Variants in AGBL1 observed in about 807,000 individuals in gnomAD.
AGBL1 encodes the protein cytosolic carboxypeptidase 4.
AGBL1 carries 130 observed loss-of-function variants against 118.9 expected under a neutral mutation model. The observed-to-expected ratio is 1.09, with a 90% CI of 0.95 to 1.26. AGBL1 has a LOEUF of 1.26. Ranked by LOEUF, AGBL1 falls within the 50% of genes most tolerant of loss-of-function variation. The pLI is 0.00. For missense variants in AGBL1, 1,584 were observed against 1,298.1 expected (o/e 1.22, Z -3.38); for synonymous variants, 555 against 478.9 (o/e 1.16, Z -2.08).
At chr15:87,027,934 T>C (rs2141815157) in intron 24 of AGBL1, among the ~76,000 whole-genome samples, 1 of 152,012 alleles carries the variant, frequency 6.6e-6, no homozygotes, top group Admixed American at 6.6e-5. Context: ...TAATGGCTGC[T>C]GAGCTTAATC....
At chr15:86,842,314 A>C (rs1244890454) in intron 22 of AGBL1, among the ~76,000 whole-genome samples, 1 of 152,176 alleles carries the variant, frequency 6.6e-6, no homozygotes, top group East Asian at 1.9e-4. Context: ...GAATCACTGA[A>C]AACCTTTATA....
intron 5 of AGBL1, among the ~76,000 whole-genome samples, chr15:86,174,267 T>C (rs1339896507): frequency 1.3e-5 from 2 of 152,098 alleles, no homozygotes; most frequent in Non-Finnish European, 2.9e-5. Context: ...TTATTAGTGA[T>C]AGAAATACTA....
intron 22 of AGBL1, among the ~76,000 whole-genome samples, chr15:86,793,663 A>G (rs550472413): frequency 6.6e-6 from 1 of 152,338 alleles, no homozygotes; most frequent in East Asian, 1.9e-4. Context: ...GGAAACTATC[A>G]AGAAAGTAAA....
intron 18 of AGBL1, among the ~76,000 whole-genome samples, chr15:86,408,298 C>A (rs996721850): frequency 6.6e-6 from 1 of 152,182 alleles, no homozygotes; most frequent in Non-Finnish European, 1.5e-5. Context: ...TCCCCTGACT[C>A]CCTTGTGAAT....
chr15:86,693,271 A>G (rs533020321), intron 22 of AGBL1, among the ~76,000 whole-genome samples: 1 of 150,274 alleles, frequency 6.7e-6, no homozygotes, highest in Non-Finnish European at 1.5e-5. Context: ...ACCGACATCT[A>G]TTTTTTTTTA....
At chr15:86,964,567 C>T (rs972623415) in intron 23 of AGBL1, among the ~76,000 whole-genome samples, 12 of 151,928 alleles carry the variant, frequency 7.9e-5, no homozygotes, top group African/African-American at 2.9e-4. Flanking sequence ...ACCACTGACA[C>T]AACCTTATTA....
chr15:86,169,190 CATAG>C (rs1405388701), intron 5 of AGBL1, among the ~76,000 whole-genome samples: 1 of 152,178 alleles, frequency 6.6e-6, no homozygotes, highest in Non-Finnish European at 1.5e-5. Context: ...AACCAAGGTG[CATAG>C]CATTTGTAGG....
intron 18 of AGBL1, among the ~76,000 whole-genome samples, chr15:86,405,296 G>A (rs902306914): frequency 6.6e-6 from 1 of 151,930 alleles, no homozygotes; most frequent in Non-Finnish European, 1.5e-5. Flanking sequence ...CAGATCACGA[G>A]GTCAGGAGAT....
At chr15:86,542,356 ATTTTTTTTTT>A (rs71144054) in intron 19 of AGBL1, among the ~76,000 whole-genome samples, 30 of 116,338 alleles carry the variant, frequency 2.6e-4, no homozygotes, top group Non-Finnish European at 2.6e-4. Flanking sequence ...CACCATTGAG[ATTTTTTTTTT>A]TTTTTTTTTT....
At chr15:86,419,476 A>T (rs1288458820) in intron 18 of AGBL1, among the ~76,000 whole-genome samples, 1 of 152,050 alleles carries the variant, frequency 6.6e-6, no homozygotes, top group East Asian at 1.9e-4. Context: ...GACCAGGAGA[A>T]TCCCTTGGGT....
chr15:86,587,207 T>A (rs903910564), intron 21 of AGBL1, among the ~76,000 whole-genome samples: 4 of 152,178 alleles, frequency 2.6e-5, no homozygotes, highest in African/African-American at 9.7e-5. Context: ...ATGAGGAAAC[T>A]GAGGCACGGA....
Position 86,317,824 on chromosome 15 carries a change from T to A in AGBL1, c.2374+22416T>A, listed in dbSNP as rs190286737. Among the ~76,000 whole-genome samples the A allele has an allele frequency of 1.1e-3, 165 of 152,306 alleles. 1 individual carries two copies. In the Middle Eastern group the frequency reaches 0.017, roughly 16 times the overall value. On this transcript the variant is annotated intron_variant, in intron 17 of 22. Coordinates refer to ENST00000614907, the MANE Select transcript of AGBL1 (RefSeq NM_001386094.1). ...TAGTTGTGTTCCAATAAAGATTTAT[T>A]TATAAAATAGGAATGGGCCAGATGT...
At chr15:86,667,898 G>A (rs943565423) in intron 21 of AGBL1, among the ~76,000 whole-genome samples, 1 of 152,212 alleles carries the variant, frequency 6.6e-6, no homozygotes. Flanking sequence ...AAAGAAAAGA[G>A]GTTTATTTGG....
chr15:86,432,341 GC>G (rs1455965672), intron 18 of AGBL1, among the ~76,000 whole-genome samples: 1 of 152,088 alleles, frequency 6.6e-6, no homozygotes, highest in Non-Finnish European at 1.5e-5. Context: ...GTTCCTCTGG[GC>G]CATGGCAGTT....
chr15:86,299,719 T>C (rs1047572475), intron 17 of AGBL1: 1 of 152,132 alleles, frequency 6.6e-6, no homozygotes, highest in Non-Finnish European at 1.5e-5. Flanking sequence ...TGTGAATAGG[T>C]ACTTTGATTA....
At chr15:86,873,707 C>G (rs1052344187) in intron 22 of AGBL1, among the ~76,000 whole-genome samples, 7 of 152,138 alleles carry the variant, frequency 4.6e-5, no homozygotes, top group African/African-American at 1.7e-4. Context: ...TTATCTTGGA[C>G]TTTTCAGCCT....
chr15:86,924,958 T>G lies in AGBL1; in HGVS notation c.3222-63029T>G, dbSNP rs1055781581. ...AAAAAATTTAAAAATTAAACTTAGCTGGGCATGGTGGTGGGCACCTGTAGT... is the reference window on the plus strand; with the variant it reads ...AAAAAATTTAAAAATTAAACTTAGCGGGGCATGGTGGTGGGCACCTGTAGT... On this transcript the variant is annotated intron_variant, in intron 23 of 24. Coordinates refer to the AGBL1 transcript ENST00000441037. Among the ~76,000 whole-genome samples the G allele has an allele frequency of 1.7e-4, 26 of 151,354 alleles. 1 individual carries two copies. Among genetic ancestry groups the G allele is most frequent in the Admixed American group, 1.4e-3 (21 of 15,190 alleles).
At chr15:86,748,775 C>A (rs1181051138) in intron 22 of AGBL1, among the ~76,000 whole-genome samples, 1 of 151,708 alleles carries the variant, frequency 6.6e-6, no homozygotes, top group African/African-American at 2.4e-5. Flanking sequence ...GAATCCTTTC[C>A]CCATATCTTG....
At chr15:86,892,199 C>A (rs2080061835) in intron 22 of AGBL1, among the ~76,000 whole-genome samples, 2 of 152,092 alleles carry the variant, frequency 1.3e-5, no homozygotes, top group Non-Finnish European at 2.9e-5. Context: ...CTCTCTCCCA[C>A]TTCCTTCCTG....
Sources: gnomAD v4.1 joint callset for allele counts (sites outside exome capture counted in the v4.1 genomes callset) on GRCh38, gnomAD v4.1.1 for gene constraint, MANE v1.5 for transcripts, NCBI Gene and HGNC (gene_info 2026-07-23, HGNC 2026-07-21) for gene names.